FHIT: variants seen among roughly 807,000 people sequenced by gnomAD.
The protein encoded by FHIT is fragile histidine triad diadenosine triphosphatase, also known as bis(5'-adenosyl)-triphosphatase.
In FHIT, 19 loss-of-function variants were observed where a neutral mutation model predicts 17.9. The ratio of observed to expected loss-of-function variants is 1.06; its 90% CI spans 0.74 to 1.56. FHIT has a LOEUF of 1.56. Ranked by LOEUF, FHIT falls within the 40% of genes most tolerant of loss-of-function variation. The probability of loss-of-function intolerance (pLI) is 0.00; values close to 1 mark genes in which losing one functional copy is unlikely to be tolerated. For synonymous variants in FHIT, 81 were observed against 69.7 expected, an observed-to-expected ratio of 1.16 and a Z score of -0.81; for missense variants, 248 against 189.2, an observed-to-expected ratio of 1.31 and a Z score of -1.82.
At chr3:61,164,796 C>T (rs1346438013) in intron 2 of FHIT, among the ~76,000 whole-genome samples, 1 of 152,142 alleles carries the variant, frequency 6.6e-6, no homozygotes, top group African/African-American at 2.4e-5. Context: ...TGCTTCCCTC[C>T]CTCACTCACT....
chr3:60,295,201 G>T (rs564898981), intron 5 of FHIT, among the ~76,000 whole-genome samples: 1 of 152,078 alleles, frequency 6.6e-6, no homozygotes, highest in Non-Finnish European at 1.5e-5. Flanking sequence ...AGTGGGCTAT[G>T]ATTACACCTG....
At chr3:60,269,646 A>G (rs1299510037) in intron 5 of FHIT, among the ~76,000 whole-genome samples, 2 of 152,232 alleles carry the variant, frequency 1.3e-5, no homozygotes, top group Non-Finnish European at 2.9e-5. Context: ...CCATTCAACC[A>G]GCATTTGCTA....
At chr3:61,150,408 T>A (rs755789338) in intron 2 of FHIT, among the ~76,000 whole-genome samples, 22 of 151,976 alleles carry the variant, frequency 1.4e-4, no homozygotes, top group Non-Finnish European at 4.4e-5. Flanking sequence ...TGAGCTCAAG[T>A]GATCCTCCCA....
At chr3:60,290,239 C>T (rs930354352) in intron 5 of FHIT, among the ~76,000 whole-genome samples, 1 of 152,114 alleles carries the variant, frequency 6.6e-6, no homozygotes, top group Admixed American at 6.6e-5. Flanking sequence ...GAGTACTGTG[C>T]TTGACAGCTT....
chr3:60,170,621 G>A (rs1349503829), intron 5 of FHIT, among the ~76,000 whole-genome samples: 1 of 151,932 alleles, frequency 6.6e-6, no homozygotes, highest in Non-Finnish European at 1.5e-5. Context: ...GTTAACTCAT[G>A]AATTATCTTC....
chr3:60,609,387 G>A (rs192979656), intron 4 of FHIT, among the ~76,000 whole-genome samples: 78 of 151,864 alleles, frequency 5.1e-4, no homozygotes, highest in Admixed American at 1.6e-3. Flanking sequence ...GTGCAGTGGC[G>A]CCATCTCAGC....
intron 4 of FHIT, among the ~76,000 whole-genome samples, chr3:60,748,182 T>C (rs2042395306): frequency 6.6e-6 from 1 of 152,088 alleles, no homozygotes; most frequent in Non-Finnish European, 1.5e-5. Context: ...TAGGATGAAC[T>C]GGAAAGATAA....
chr3:59,958,368 A>C (rs73104592), intron 7 of FHIT, among the ~76,000 whole-genome samples: 43 of 152,354 alleles, frequency 2.8e-4, no homozygotes, highest in Non-Finnish European at 5.7e-4. Flanking sequence ...GTATAAAAAA[A>C]ATCACCAAGT....
intron 5 of FHIT, among the ~76,000 whole-genome samples, chr3:60,103,061 T>C (rs1273212296): frequency 6.6e-6 from 1 of 152,180 alleles, no homozygotes; most frequent in Non-Finnish European, 1.5e-5. Flanking sequence ...CCATTGCTTC[T>C]TTTTAATAAA....
chr3:60,909,676 A>G (rs140962697), intron 3 of FHIT, among the ~76,000 whole-genome samples: 132 of 152,292 alleles, frequency 8.7e-4, no homozygotes, highest in African/African-American at 3.0e-3. Flanking sequence ...TTTCTTTACA[A>G]TTTCCCAGAG....
intron 5 of FHIT, among the ~76,000 whole-genome samples, chr3:60,281,506 G>A (rs907487268): frequency 1.3e-5 from 2 of 151,768 alleles, no homozygotes; most frequent in African/African-American, 4.8e-5. Context: ...AAGAACAGAA[G>A]AGGAAATCCA....
intron 5 of FHIT, among the ~76,000 whole-genome samples, chr3:60,129,828 G>A (rs1289233092): frequency 6.6e-6 from 1 of 152,002 alleles, no homozygotes; most frequent in African/African-American, 2.4e-5. Flanking sequence ...GAATTTTATA[G>A]AATATACTGA....
chr3:59,859,465 C>G (rs984325500), intron 8 of FHIT, among the ~76,000 whole-genome samples: 1 of 152,210 alleles, frequency 6.6e-6, no homozygotes, highest in African/African-American at 2.4e-5. Flanking sequence ...CGCCTGTAAT[C>G]CCAGCACTTT....
At chr3:60,690,855 A>G (rs2040970931) in intron 4 of FHIT, 1 of 297,800 alleles carries the variant, frequency 3.4e-6, no homozygotes, top group African/African-American at 2.2e-5. Flanking sequence ...TCCTAGAGAG[A>G]CTGTTAATGC....
At chr3:60,468,193 G>C (rs963149221) in intron 5 of FHIT, among the ~76,000 whole-genome samples, 14 of 151,884 alleles carry the variant, frequency 9.2e-5, no homozygotes, top group African/African-American at 3.4e-4. Flanking sequence ...TTATATTATA[G>C]GCGAAGTGTG....
intron 5 of FHIT, among the ~76,000 whole-genome samples, chr3:60,168,986 C>T (rs988913849): frequency 2.0e-5 from 3 of 152,146 alleles, no homozygotes; most frequent in African/African-American, 7.2e-5. Flanking sequence ...GCTTCAGGCC[C>T]CTTCCAGAGC....
At chr3:60,902,369 T>A (rs1706162782) in intron 3 of FHIT, among the ~76,000 whole-genome samples, 1 of 152,232 alleles carries the variant, frequency 6.6e-6, no homozygotes, top group Non-Finnish European at 1.5e-5. Context: ...ATTTTATGGA[T>A]ATACCACAGT....
At chr3:60,711,689 A>C (rs1446894491) in intron 4 of FHIT, among the ~76,000 whole-genome samples, 2 of 152,238 alleles carry the variant, frequency 1.3e-5, no homozygotes, top group African/African-American at 4.8e-5. Flanking sequence ...TGGAAGATGA[A>C]ATGAATGAAA....
chr3:60,709,829 G>A (rs903082102), intron 4 of FHIT, among the ~76,000 whole-genome samples: 7 of 152,092 alleles, frequency 4.6e-5, no homozygotes, highest in East Asian at 1.9e-4. Flanking sequence ...ACTGGCCAAC[G>A]GTTTACTTAA....
Sources: gnomAD v4.1 joint callset for allele counts (sites outside exome capture counted in the v4.1 genomes callset) on GRCh38, gnomAD v4.1.1 for gene constraint, MANE v1.5 for transcripts, NCBI Gene and HGNC (gene_info 2026-07-23, HGNC 2026-07-21) for gene names.